OSBPL11: variants seen among roughly 807,000 people sequenced by gnomAD.
OSBPL11 encodes the protein oxysterol-binding protein-related protein 11.
A neutral mutation model predicts 84.4 loss-of-function variants in OSBPL11; 33 were observed. The observed-to-expected ratio is 0.39, with a 90% CI of 0.30 to 0.52. OSBPL11 has a LOEUF of 0.52. Among genes scored for constraint, OSBPL11 ranks in the 20% least tolerant of loss-of-function variants. OSBPL11 has a pLI of 0.72. For missense variants in OSBPL11, 736 were observed against 901.1 expected, an observed-to-expected ratio of 0.82 and a Z score of 2.35; for synonymous variants, 276 against 310.2, an observed-to-expected ratio of 0.89 and a Z score of 1.16.
At chr3:125,532,822 A>T (rs1233530408) in intron 11 of OSBPL11, among the ~76,000 whole-genome samples, 1 of 54,146 alleles carries the variant, frequency 1.8e-5, no homozygotes, top group Admixed American at 1.7e-4. Flanking sequence ...GCAAAATGTG[A>T]TATATCCATA....
intron 7 of OSBPL11, 86 bp downstream of exon 7, chr3:125,563,612 C>T (rs1305508288): frequency 7.6e-7 from 1 of 1,318,486 alleles, no homozygotes; most frequent in Non-Finnish European, 1.1e-6. Context: ...AGTTGATGTG[C>T]ATGAGCTGAC....
chr3:125,576,403 T>C, intron 4 of OSBPL11, 38 bp from the exon 5 acceptor site: 1 of 1,491,312 alleles, frequency 6.7e-7, no homozygotes, highest in Non-Finnish European at 9.0e-7. Context: ...TGTTTTCTTC[T>C]TTAATTTAGG....
chr3:125,534,951 G>GAAAAAAAAA lies in OSBPL11; in HGVS notation c.2025-2946_2025-2938dup, dbSNP rs56164804. 6.8e-4 allele frequency among the ~76,000 whole-genome samples: 44 copies of GAAAAAAAAA among 64,656 alleles called. 2 individuals are homozygous for GAAAAAAAAA. The highest frequency in any genetic ancestry group is 1.6e-3 in the African/African-American group (21 of 13,298). The allele number at this position is 64,656 out of a possible 152,430, so 42.4% of individuals were successfully genotyped here. A position where few individuals can be genotyped will look rare whatever the true frequency, so the allele number is the denominator to read the frequency against. The stretch of plus-strand genomic sequence containing the variant: ...CCTAAGCTTCCATTGTAAGAAATTA[G>GAAAAAAAAA]AAAAAAAAAAAAAAAAAAAAAAAAA... On this transcript the variant is annotated intron_variant, in intron 11 of 12. Coordinates refer to ENST00000296220, the MANE Select transcript of OSBPL11 (RefSeq NM_022776.5).
At chr3:125,535,437 A>ACTTTTTTTTTTTTTTTTTTTTTTTTTT (rs1559833754) in intron 11 of OSBPL11, among the ~76,000 whole-genome samples, 1 of 126,876 alleles carries the variant, frequency 7.9e-6, no homozygotes, top group Non-Finnish European at 1.6e-5. Flanking sequence ...ATTCAGAAGC[A>ACTTTTTTTTTTTTTTTTTTTTTTTTTT]TCTTTTTTTT....
chr3:125,541,567 C>T (rs1388633350), intron 10 of OSBPL11, among the ~76,000 whole-genome samples: 2 of 152,032 alleles, frequency 1.3e-5, no homozygotes, highest in African/African-American at 4.8e-5. Context: ...GTAAGGTGCC[C>T]CGAATCTCTT....
In OSBPL11 at chr3:125,567,527, G is replaced by T; in HGVS notation, c.735C>A (p.Gly245=). ...IRRIECLPTS[G]HLSSLDQDLL... is the part of the protein sequence containing the mutation. ...GATCCTGGTCCAAGGAACTAAGATG[G>T]CCAGAAGTAGGAAGGCATTCAATTC... The change falls in exon 6 of 13, where the codon GGC becomes GGA. Residue 245 remains glycine (G), a synonymous_variant. Transcript: ENST00000296220. 1.2e-6 allele frequency: 2 copies of T among 1,614,092 alleles called. No homozygotes were observed. The highest frequency in any genetic ancestry group is 2.2e-5 in the South Asian group (2 of 91,078).
At chr3:125,570,548 C>A (rs962789901) in intron 5 of OSBPL11, among the ~76,000 whole-genome samples, 4 of 152,050 alleles carry the variant, frequency 2.6e-5, no homozygotes, top group African/African-American at 9.7e-5. Context: ...TGTCCCCACC[C>A]AAATCTCATC....
At chr3:125,585,017 C>T (rs116592896) in intron 1 of OSBPL11, among the ~76,000 whole-genome samples, 4,140 of 152,164 alleles carry the variant, frequency 0.027, 162 homozygotes, top group African/African-American at 0.092. Flanking sequence ...TGGGCTCAAG[C>T]GATCTTTCCA....
rs757780737 is a variant in OSBPL11 at position 125,552,500 on chromosome 3, A to T, written c.1335T>A (p.Ala445=). ...SFHEGRKGAI[A]KKPYNPIIGE... is the part of the protein sequence containing the mutation. ...CAATGATAGGATTGTATGGTTTTTT[A>T]GCAATGGCTCCCTTACGGCCTTCAT... Residue 445 remains alanine (A), a synonymous_variant, in exon 9 of 13, where the codon GCT becomes GCA. Coordinates refer to ENST00000296220, the MANE Select transcript of OSBPL11 (RefSeq NM_022776.5). The T allele has an allele frequency of 1.2e-6, 2 of 1,614,198 alleles. No individual in the cohort carries two copies. Among genetic ancestry groups the T allele is most frequent in the Non-Finnish European group, 1.7e-6 (2 of 1,180,028 alleles).
At chr3:125,594,581 G>C (rs1332052168) in intron 1 of OSBPL11, 56 bp downstream of exon 1, 4 of 1,577,880 alleles carry the variant, frequency 2.5e-6, no homozygotes, top group Non-Finnish European at 3.5e-6. Flanking sequence ...GCAGCCTCCA[G>C]GGCATATTCA....
At chr3:125,554,219 T>C (rs1052245193) in intron 8 of OSBPL11, among the ~76,000 whole-genome samples, 1 of 152,178 alleles carries the variant, frequency 6.6e-6, no homozygotes, top group Non-Finnish European at 1.5e-5. Flanking sequence ...GACTGGAGAA[T>C]AGCAAGGAAT....
chr3:125,550,535 GAT>G (rs1935888916), intron 9 of OSBPL11, among the ~76,000 whole-genome samples: 2 of 152,058 alleles, frequency 1.3e-5, no homozygotes, highest in Non-Finnish European at 1.5e-5. Flanking sequence ...TGAAAAAGAG[GAT>G]ACTTTCTTCA....
At chr3:125,547,726 A>G in intron 9 of OSBPL11, 134 bp from the exon 10 acceptor site, 1 of 656,650 alleles carries the variant, frequency 1.5e-6, no homozygotes, top group Non-Finnish European at 2.5e-6. Flanking sequence ...TTTCAATGAA[A>G]CTGACTTCAT....
chr3:125,538,390 A>G, intron 11 of OSBPL11, 61 bp downstream of exon 11: 1 of 1,498,934 alleles, frequency 6.7e-7, no homozygotes, highest in Non-Finnish European at 9.0e-7. Context: ...GTTAGTGAAA[A>G]GGCTTAGATT....
chr3:125,545,606 A>C (rs886927859), intron 10 of OSBPL11, among the ~76,000 whole-genome samples: 2 of 152,024 alleles, frequency 1.3e-5, no homozygotes, highest in African/African-American at 4.8e-5. Flanking sequence ...AAGTATATAG[A>C]TATATGTATA....
At chr3:125,543,831 C>T (rs564439138) in intron 10 of OSBPL11, among the ~76,000 whole-genome samples, 36 of 152,072 alleles carry the variant, frequency 2.4e-4, no homozygotes, top group African/African-American at 7.0e-4. Flanking sequence ...ACCTGGGAGG[C>T]GGAGGTTGCA....
chr3:125,531,220 C>T (rs920040307), intron 12 of OSBPL11, among the ~76,000 whole-genome samples: 1 of 151,460 alleles, frequency 6.6e-6, no homozygotes, highest in South Asian at 2.1e-4. Flanking sequence ...CCTCATGATC[C>T]GCCCGCCTCG....
At chr3:125,575,331 CTA>C (rs373051352) in intron 5 of OSBPL11, among the ~76,000 whole-genome samples, 20 of 150,820 alleles carry the variant, frequency 1.3e-4, no homozygotes, top group African/African-American at 3.2e-4. Context: ...TTGAAATGTT[CTA>C]TATATATATA....
chr3:125,578,523 C>T (rs1442366648), intron 4 of OSBPL11, among the ~76,000 whole-genome samples: 2 of 152,076 alleles, frequency 1.3e-5, no homozygotes, highest in African/African-American at 4.8e-5. Context: ...GTGGGCGGAT[C>T]ACTTGAGGTC....
Sources: allele counts gnomAD v4.1 joint callset (sites outside exome capture counted in the v4.1 genomes callset), GRCh38; gene constraint gnomAD v4.1.1; transcripts MANE v1.5; gene names NCBI Gene and HGNC (gene_info 2026-07-23, HGNC 2026-07-21).